Variants in MGAT4C observed in about 807,000 individuals in gnomAD.
The protein encoded by MGAT4C is MGAT4 family member C.
Under a neutral mutation model 40.1 loss-of-function variants are expected in MGAT4C, and 19 were observed. That is an observed-to-expected ratio of 0.47 (90% CI 0.33 to 0.70). The LOEUF is 0.70. MGAT4C is among the 30% of genes least tolerant of loss of function. The pLI is 0.02. For synonymous variants in MGAT4C, 181 were observed against 187.1 expected (o/e 0.97, Z 0.27); for missense variants, 491 against 563.2 (o/e 0.87, Z 1.30).
At chr12:86,068,254 T>C (rs1306845170) in intron 1 of MGAT4C, 2 of 152,180 alleles carry the variant, frequency 1.3e-5, no homozygotes, top group East Asian at 3.8e-4. Flanking sequence ...GGCTTGCCTT[T>C]TTGGCAGATG....
chr12:86,608,554 A>C (rs1962127413), intron 2 of MGAT4C, among the ~76,000 whole-genome samples: 1 of 152,164 alleles, frequency 6.6e-6, no homozygotes, highest in Non-Finnish European at 1.5e-5. Flanking sequence ...CTTGGGTGCC[A>C]GAGTGAGATG....
chr12:86,306,352 A>G (rs1953934396), intron 4 of MGAT4C, among the ~76,000 whole-genome samples: 1 of 150,540 alleles, frequency 6.6e-6, no homozygotes, highest in Non-Finnish European at 1.5e-5. Flanking sequence ...ATAATAAAAA[A>G]CTGTTTAGCA....
chr12:86,442,497 A>G (rs1957251404), intron 2 of MGAT4C, among the ~76,000 whole-genome samples: 1 of 152,244 alleles, frequency 6.6e-6, no homozygotes, highest in South Asian at 2.1e-4. Flanking sequence ...TTAAGTGTTT[A>G]ATCCATCTTG....
chr12:86,146,438 C>T (rs1035223021), intron 1 of MGAT4C, among the ~76,000 whole-genome samples: 8 of 152,114 alleles, frequency 5.3e-5, no homozygotes, highest in South Asian at 4.1e-4. Flanking sequence ...ATTAGTCCTC[C>T]TGCTTTTTCA....
chr12:86,468,056 A>G (rs901723521), intron 2 of MGAT4C, among the ~76,000 whole-genome samples: 3 of 152,122 alleles, frequency 2.0e-5, no homozygotes, highest in African/African-American at 7.2e-5. Context: ...ATACAGTAGC[A>G]TGTCTCAAAT....
intron 4 of MGAT4C, among the ~76,000 whole-genome samples, chr12:86,263,052 T>C (rs1465392018): frequency 6.6e-6 from 1 of 152,110 alleles, no homozygotes. Context: ...CTTTTCCAAA[T>C]GTAACTTACA....
At chr12:86,831,760 T>C (rs901449302) in intron 1 of MGAT4C, among the ~76,000 whole-genome samples, 1 of 151,844 alleles carries the variant, frequency 6.6e-6, no homozygotes, top group African/African-American at 2.4e-5. Context: ...CAATGTTGTA[T>C]TAAGGTTCTA....
chr12:86,268,690 T>TATATAC (rs1329036083), intron 4 of MGAT4C, among the ~76,000 whole-genome samples: 9 of 146,694 alleles, frequency 6.1e-5, no homozygotes, highest in African/African-American at 2.2e-4. Flanking sequence ...CATATATACA[T>TATATAC]ATATATACAC....
chr12:86,365,108 T>C (rs1955563115), intron 3 of MGAT4C, among the ~76,000 whole-genome samples: 2 of 152,120 alleles, frequency 1.3e-5, no homozygotes, highest in South Asian at 4.1e-4. Context: ...GGCCGCCCCC[T>C]GAAGTGGCCA....
chr12:86,360,092 T>G (rs2136200627), intron 3 of MGAT4C, among the ~76,000 whole-genome samples: 1 of 152,206 alleles, frequency 6.6e-6, no homozygotes, highest in South Asian at 2.1e-4. Flanking sequence ...CTCAATAAAA[T>G]ACGGGCAAAC....
At chr12:86,741,221 T>C (rs1951063507) in intron 1 of MGAT4C, among the ~76,000 whole-genome samples, 2 of 151,176 alleles carry the variant, frequency 1.3e-5, no homozygotes, top group African/African-American at 4.8e-5. Flanking sequence ...CTGTTGACAA[T>C]AGCAAAGACC....
intron 2 of MGAT4C, among the ~76,000 whole-genome samples, chr12:86,532,537 A>C (rs1959002842): frequency 6.6e-6 from 1 of 151,080 alleles, no homozygotes; most frequent in Non-Finnish European, 1.5e-5. Flanking sequence ...TTGGTGAGTT[A>C]AAAGGCAAAA....
chr12:86,621,923 T>G (rs1962651217), intron 2 of MGAT4C, among the ~76,000 whole-genome samples: 1 of 152,148 alleles, frequency 6.6e-6, no homozygotes, highest in South Asian at 2.1e-4. Flanking sequence ...TGTTTGGCAG[T>G]GGTGGCAGGA....
intron 3 of MGAT4C, among the ~76,000 whole-genome samples, chr12:86,348,275 T>C (rs1413268317): frequency 1.3e-5 from 2 of 152,186 alleles, no homozygotes; most frequent in Non-Finnish European, 2.9e-5. Context: ...ATTACTAATA[T>C]CATTCACTCC....
At chr12:86,131,252 G>GA (rs1180240125) in intron 1 of MGAT4C, among the ~76,000 whole-genome samples, 1 of 151,978 alleles carries the variant, frequency 6.6e-6, no homozygotes, top group East Asian at 1.9e-4. Context: ...AGAATACATG[G>GA]ATCTAGAAGC....
At chr12:86,785,953 T>C (rs1162983143) in intron 1 of MGAT4C, among the ~76,000 whole-genome samples, 1 of 152,076 alleles carries the variant, frequency 6.6e-6, no homozygotes, top group Admixed American at 6.6e-5. Flanking sequence ...TTATTCATTC[T>C]TCTTGGGTCG....
At chr12:86,327,639 A>G (rs1954557561) in intron 4 of MGAT4C, among the ~76,000 whole-genome samples, 1 of 152,284 alleles carries the variant, frequency 6.6e-6, no homozygotes, top group South Asian at 2.1e-4. Context: ...AAATTTCAAA[A>G]TTGATGAAAA....
At chr12:86,460,637 G>C (rs775851318) in intron 2 of MGAT4C, among the ~76,000 whole-genome samples, 10 of 151,986 alleles carry the variant, frequency 6.6e-5, no homozygotes, top group Non-Finnish European at 1.3e-4. Context: ...GTGTCTTTGT[G>C]TGTGTCTCCC....
At chr12:86,701,459 G>A (rs912659917) in intron 2 of MGAT4C, among the ~76,000 whole-genome samples, 6 of 152,090 alleles carry the variant, frequency 3.9e-5, no homozygotes, top group Non-Finnish European at 5.9e-5. Flanking sequence ...GACATGAGCC[G>A]TACCCATATA....
Sources: allele counts gnomAD v4.1 joint callset (sites outside exome capture counted in the v4.1 genomes callset), GRCh38; gene constraint gnomAD v4.1.1; transcripts MANE v1.5; gene names NCBI Gene and HGNC (gene_info 2026-07-23, HGNC 2026-07-21).